RNF125: variants seen among roughly 807,000 people sequenced by gnomAD.
RNF125 encodes the protein ring finger protein 125, also known as E3 ubiquitin-protein ligase RNF125.
In RNF125, 21 loss-of-function variants were observed where a neutral mutation model predicts 26.0. The ratio of observed to expected loss-of-function variants is 0.81; its 90% CI spans 0.57 to 1.16. The LOEUF is 1.16. RNF125 is among the 50% of genes most tolerant of loss of function. RNF125 has a pLI of 0.00. For synonymous variants in RNF125, 95 were observed against 109.2 expected, an observed-to-expected ratio of 0.87 and a Z score of 0.81; for missense variants, 270 against 299.4, an observed-to-expected ratio of 0.90 and a Z score of 0.72.
chr18:32,063,641 T>C (rs1297536623), intron 4 of RNF125, among the ~76,000 whole-genome samples: 1 of 152,200 alleles, frequency 6.6e-6, no homozygotes, highest in Non-Finnish European at 1.5e-5. Flanking sequence ...CTTGGAGCTT[T>C]ATCTTAACAA....
At chr18:32,032,863 A>C (rs1325178335) in intron 1 of RNF125, among the ~76,000 whole-genome samples, 1 of 152,090 alleles carries the variant, frequency 6.6e-6, no homozygotes, top group East Asian at 1.9e-4. Flanking sequence ...AAAAAAAACC[A>C]AAAAAACCCA....
intron 5 of RNF125, among the ~76,000 whole-genome samples, chr18:32,066,332 G>A (rs1328611499): frequency 3.3e-5 from 5 of 151,828 alleles, no homozygotes; most frequent in African/African-American, 7.3e-5. Flanking sequence ...GGTGGTACAC[G>A]CCTGTAGTCC....
chr18:32,044,924 C>G (rs189112274), intron 3 of RNF125, among the ~76,000 whole-genome samples: 2 of 151,790 alleles, frequency 1.3e-5, no homozygotes, highest in East Asian at 3.9e-4. Flanking sequence ...AGTTTGAGAC[C>G]AGCTTGGGCA....
rs1354403623 is a variant in RNF125, at chr18:32,062,986, G to A, written c.505-2916G>A. 2.6e-5 allele frequency among the ~76,000 whole-genome samples: 4 copies of A among 152,144 alleles called. 1 individual carries two copies. The South Asian group carries it at 6.2e-4, about 24-fold the overall frequency. On this transcript the variant is annotated intron_variant, in intron 4 of 5. Coordinates refer to ENST00000217740, the MANE Select transcript of RNF125 (RefSeq NM_017831.4). ...TGTAATCCCAGCACTTTGGGAGGCAGAGGTGGGTAGATCACCTGAGGTCAG... is the reference window on the plus strand; with the variant it reads ...TGTAATCCCAGCACTTTGGGAGGCAAAGGTGGGTAGATCACCTGAGGTCAG...
At chr18:32,064,939 A>G (rs946147874) in intron 4 of RNF125, among the ~76,000 whole-genome samples, 1 of 152,256 alleles carries the variant, frequency 6.6e-6, no homozygotes, top group South Asian at 2.1e-4. Context: ...TAAAATATCC[A>G]TATACAAACA....
chr18:32,078,602 T>G, the RNF125 span, among the ~76,000 whole-genome samples: 2 of 151,822 alleles, frequency 1.3e-5, no homozygotes, highest in Non-Finnish European at 2.9e-5. Flanking sequence ...ATCATGCCAT[T>G]GCACTCCAGC....
chr18:32,036,154 CAAAA>C (rs59263221), intron 1 of RNF125, among the ~76,000 whole-genome samples: 5 of 120,442 alleles, frequency 4.2e-5, no homozygotes, highest in Admixed American at 1.7e-4. Flanking sequence ...GACTCCATCT[CAAAA>C]AAAAAAAAAA....
chr18:32,063,384 T>C (rs59482198), intron 4 of RNF125, among the ~76,000 whole-genome samples: 2 of 152,238 alleles, frequency 1.3e-5, no homozygotes, highest in East Asian at 3.9e-4. Context: ...CAGTACACGT[T>C]TAACAAAATG....
chr18:32,033,656 A>G (rs1053721895), intron 1 of RNF125, among the ~76,000 whole-genome samples: 3 of 152,062 alleles, frequency 2.0e-5, no homozygotes, highest in African/African-American at 7.2e-5. Flanking sequence ...ACCCGTCTCT[A>G]CTAAAATACA....
Position 32,050,865 on chromosome 18 carries a change from C to CTTT in RNF125, c.504+5165_504+5167dup, listed in dbSNP as rs531751585. 3.5e-3 allele frequency among the ~76,000 whole-genome samples: 161 copies of CTTT among 46,334 alleles called. 32 individuals are homozygous for CTTT. The highest frequency in any genetic ancestry group is 4.4e-3 in the Non-Finnish European group (112 of 25,608). 30.4% of individuals were successfully genotyped at this position (46,334 alleles called of 152,430 possible). A position where few individuals can be genotyped will look rare whatever the true frequency, so the allele number is the denominator to read the frequency against. ...CCAGCTAGTCTCTCGGTCTAGAGTG[C>CTTT]TTTTTTTTTTTTTTTTTTTTTTTTT... On this transcript the variant is annotated intron_variant, in intron 4 of 5. Coordinates refer to ENST00000217740, the MANE Select transcript of RNF125 (RefSeq NM_017831.4).
the RNF125 span, among the ~76,000 whole-genome samples, chr18:32,084,371 C>A: frequency 1.5e-3 from 223 of 152,116 alleles, 1 homozygote; most frequent in Non-Finnish European, 3.8e-4. Context: ...AACAAACAAA[C>A]AAACAAAAAA....
chr18:32,025,664 CAAAAAAAAAAAAA>C (rs34054474), intron 1 of RNF125, among the ~76,000 whole-genome samples: 1 of 65,174 alleles, frequency 1.5e-5, no homozygotes, highest in Non-Finnish European at 3.8e-5. Context: ...AACTCTGTCT[CAAAAAAAAAAAAA>C]AAAAAAAAAA....
chr18:32,065,889 T>C lies in RNF125; in HGVS notation c.505-13T>C. On this transcript the variant is annotated splice_polypyrimidine_tract_variant and intron_variant, in intron 4 of 5. Coordinates refer to ENST00000217740, the MANE Select transcript of RNF125 (RefSeq NM_017831.4). ...AAATTCTTTCTTGAACCCCTGGTCTTGTTTGTTTCCAGTTCTGTCCACTTT... is the reference window on the plus strand; with the variant it reads ...AAATTCTTTCTTGAACCCCTGGTCTCGTTTGTTTCCAGTTCTGTCCACTTT... 6.4e-7 allele frequency: 1 copy of C among 1,563,886 alleles called. No homozygotes were observed. Among genetic ancestry groups the C allele is most frequent in the Non-Finnish European group, 8.8e-7 (1 of 1,136,676 alleles).
At chr18:32,079,770 A>T in the RNF125 span, among the ~76,000 whole-genome samples, 2 of 152,248 alleles carry the variant, frequency 1.3e-5, no homozygotes, top group Non-Finnish European at 2.9e-5. Flanking sequence ...TCCTGGACAG[A>T]GTTCTAAAGT....
chr18:32,033,548 C>T (rs1281248800), intron 1 of RNF125, among the ~76,000 whole-genome samples: 2 of 137,562 alleles, frequency 1.5e-5, no homozygotes, highest in East Asian at 2.2e-4. Flanking sequence ...AGTCTGGGCA[C>T]AGTGGCTCAT....
At chr18:32,030,485 T>A (rs1280451462) in intron 1 of RNF125, among the ~76,000 whole-genome samples, 2 of 152,078 alleles carry the variant, frequency 1.3e-5, no homozygotes, top group African/African-American at 4.8e-5. Flanking sequence ...CTAAGTAGAG[T>A]CTGAGAGTCT....
At chr18:32,052,899 G>A (rs2039342484) in intron 4 of RNF125, among the ~76,000 whole-genome samples, 1 of 152,096 alleles carries the variant, frequency 6.6e-6, no homozygotes, top group African/African-American at 2.4e-5. Context: ...CATAGTACTT[G>A]GCAACTGAAA....
chr18:32,044,699 G>A (rs1320212508), intron 3 of RNF125, among the ~76,000 whole-genome samples: 1 of 152,110 alleles, frequency 6.6e-6, no homozygotes, highest in African/African-American at 2.4e-5. Context: ...GCTGTCCTTG[G>A]ATTACCTTTT....
At chr18:32,039,771 G>T (rs2039197377) in intron 2 of RNF125, among the ~76,000 whole-genome samples, 1 of 144,582 alleles carries the variant, frequency 6.9e-6, no homozygotes, top group African/African-American at 2.6e-5. Context: ...TTTTTTCTTT[G>T]AGATACTTTT....
Sources: gnomAD v4.1 joint callset for allele counts (sites outside exome capture counted in the v4.1 genomes callset) on GRCh38, gnomAD v4.1.1 for gene constraint, MANE v1.5 for transcripts, NCBI Gene and HGNC (gene_info 2026-07-23, HGNC 2026-07-21) for gene names.